DOCK3: variants seen among roughly 807,000 people sequenced by gnomAD.
DOCK3 encodes dedicator of cytokinesis 3.
In DOCK3, 60 loss-of-function variants were observed where a neutral mutation model predicts 265.6. That is an observed-to-expected ratio of 0.23 (90% CI 0.18 to 0.28). The LOEUF is 0.28. DOCK3 is among the 10% of genes least tolerant of loss of function. The probability of loss-of-function intolerance (pLI) is 1.00; values close to 1 mark genes in which losing one functional copy is unlikely to be tolerated. For missense variants in DOCK3, 1,981 were observed against 2,594.3 expected (o/e 0.76, Z 5.14); for synonymous variants, 881 against 938.0 (o/e 0.94, Z 1.11).
chr3:50,772,659 C>T (rs1056750218), intron 1 of DOCK3, among the ~76,000 whole-genome samples: 1 of 151,834 alleles, frequency 6.6e-6, no homozygotes, highest in Non-Finnish European at 1.5e-5. Context: ...TATTCAATCT[C>T]AAAAAGAAAT....
intron 1 of DOCK3, among the ~76,000 whole-genome samples, chr3:50,703,177 A>G (rs933241521): frequency 1.3e-5 from 2 of 152,132 alleles, no homozygotes; most frequent in African/African-American, 2.4e-5. Context: ...AATCCTTGCA[A>G]TCCCTGTTAT....
intron 22 of DOCK3, among the ~76,000 whole-genome samples, chr3:51,251,620 C>T (rs914788457): frequency 2.6e-5 from 4 of 152,126 alleles, no homozygotes; most frequent in Non-Finnish European, 4.4e-5. Flanking sequence ...TCTAATGACC[C>T]GTGATGATGA....
intron 9 of DOCK3, among the ~76,000 whole-genome samples, chr3:51,110,921 C>G (rs571613331): frequency 6.6e-6 from 1 of 152,234 alleles, no homozygotes; most frequent in East Asian, 1.9e-4. Flanking sequence ...TGGTTCTATT[C>G]TAGAAAACCC....
At chr3:51,315,395 C>T (rs1458635410) in intron 32 of DOCK3, among the ~76,000 whole-genome samples, 1 of 152,182 alleles carries the variant, frequency 6.6e-6, no homozygotes, top group African/African-American at 2.4e-5. Flanking sequence ...ACTGTAGCCT[C>T]CCAGTTTCAA....
intron 27 of DOCK3, among the ~76,000 whole-genome samples, chr3:51,294,573 G>T (rs1334198010): frequency 6.6e-6 from 1 of 151,910 alleles, no homozygotes; most frequent in Non-Finnish European, 1.5e-5. Context: ...AGCTACTGGG[G>T]AGGCTGAGGC....
intron 12 of DOCK3, among the ~76,000 whole-genome samples, chr3:51,197,555 T>C (rs897380465): frequency 6.6e-6 from 1 of 152,122 alleles, no homozygotes; most frequent in Non-Finnish European, 1.5e-5. Context: ...GGAGAAGTAC[T>C]CAGGTGCCCA....
intron 23 of DOCK3, 59 bp from the exon 24 acceptor site, chr3:51,270,756 A>G (rs1485405824): frequency 2.0e-6 from 3 of 1,523,456 alleles, no homozygotes; most frequent in Non-Finnish European, 2.7e-6. Context: ...TTGTCTGAGC[A>G]TGAAAGATAG....
chr3:51,040,023 C>G (rs537116802), intron 5 of DOCK3, among the ~76,000 whole-genome samples: 3 of 151,444 alleles, frequency 2.0e-5, no homozygotes, highest in Non-Finnish European at 4.4e-5. Context: ...TTTAAACCAT[C>G]TGGGACTCAC....
At chr3:51,211,627 T>G (rs868277613) in intron 13 of DOCK3, among the ~76,000 whole-genome samples, 9 of 152,238 alleles carry the variant, frequency 5.9e-5, no homozygotes, top group African/African-American at 1.4e-4. Flanking sequence ...TTTTTTTCCT[T>G]GCGATAGTTT....
intron 27 of DOCK3, among the ~76,000 whole-genome samples, chr3:51,281,638 G>A (rs2109008796): frequency 6.6e-6 from 1 of 152,010 alleles, no homozygotes; most frequent in East Asian, 1.9e-4. Context: ...ACTATCTTTT[G>A]TGTTGGAGAC....
chr3:50,722,973 C>T (rs931191925), intron 1 of DOCK3, among the ~76,000 whole-genome samples: 1 of 151,996 alleles, frequency 6.6e-6, no homozygotes, highest in Non-Finnish European at 1.5e-5. Context: ...AGGGTTTTGC[C>T]ATGTTGTGCA....
At chr3:51,106,726 C>T (rs1218811013) in intron 9 of DOCK3, among the ~76,000 whole-genome samples, 2 of 152,226 alleles carry the variant, frequency 1.3e-5, no homozygotes, top group East Asian at 1.9e-4. Context: ...CAGTACCCTG[C>T]CCCCGTGCTA....
intron 2 of DOCK3, among the ~76,000 whole-genome samples, chr3:50,827,589 CTG>C (rs1169751588): frequency 6.6e-6 from 1 of 152,094 alleles, no homozygotes. Context: ...AACATTCTGT[CTG>C]TAGCATATAT....
chr3:50,922,671 C>T (rs1013586025), intron 4 of DOCK3, among the ~76,000 whole-genome samples: 1 of 152,128 alleles, frequency 6.6e-6, no homozygotes, highest in Non-Finnish European at 1.5e-5. Flanking sequence ...ATCTTGGAAC[C>T]TCCTCCACCT....
intron 9 of DOCK3, among the ~76,000 whole-genome samples, chr3:51,094,457 A>T (rs1186620654): frequency 1.3e-5 from 2 of 151,988 alleles, no homozygotes; most frequent in Non-Finnish European, 2.9e-5. Context: ...ATTTGTGTAG[A>T]GATATTTATA....
intron 12 of DOCK3, among the ~76,000 whole-genome samples, chr3:51,174,788 T>A (rs1035342829): frequency 7.2e-5 from 11 of 152,138 alleles, no homozygotes; most frequent in African/African-American, 2.4e-4. Flanking sequence ...CCCAGACTAA[T>A]GGGAATACTT....
intron 3 of DOCK3, among the ~76,000 whole-genome samples, chr3:50,883,523 G>A (rs1363340135): frequency 6.6e-6 from 1 of 151,598 alleles, no homozygotes; most frequent in Non-Finnish European, 1.5e-5. Flanking sequence ...TTTTTTTAGG[G>A]TATTTCTGTT....
At chr3:51,175,106 C>A (rs1480085175) in intron 12 of DOCK3, among the ~76,000 whole-genome samples, 1 of 152,206 alleles carries the variant, frequency 6.6e-6, no homozygotes, top group Admixed American at 6.5e-5. Context: ...CCCCAGACCT[C>A]AGCTGAGTCA....
chr3:50,950,438 G>A (rs1439597448), intron 5 of DOCK3, among the ~76,000 whole-genome samples: 1 of 152,174 alleles, frequency 6.6e-6, no homozygotes, highest in Non-Finnish European at 1.5e-5. Context: ...ACTGCCTGAA[G>A]TATTACCTAC....
Sources: gnomAD v4.1 joint callset for allele counts (sites outside exome capture counted in the v4.1 genomes callset) on GRCh38, gnomAD v4.1.1 for gene constraint, MANE v1.5 for transcripts, NCBI Gene and HGNC (gene_info 2026-07-23, HGNC 2026-07-21) for gene names.